SLC17A4: variants seen among roughly 807,000 people sequenced by gnomAD.
SLC17A4 encodes the protein solute carrier family 17 member 4, also known as probable small intestine urate exporter.
A neutral mutation model predicts 52.5 loss-of-function variants in SLC17A4; 33 were observed. The ratio of observed to expected loss-of-function variants is 0.63; its 90% confidence interval spans 0.48 to 0.84. SLC17A4 has a LOEUF of 0.84. SLC17A4 is among the 40% of genes least tolerant of loss of function. The probability of loss-of-function intolerance (pLI) is 0.00; values close to 1 mark genes in which losing one functional copy is unlikely to be tolerated. For synonymous variants in SLC17A4, 225 were observed against 216.2 expected, an observed-to-expected ratio of 1.04 and a Z score of -0.36; for missense variants, 585 against 597.1, an observed-to-expected ratio of 0.98 and a Z score of 0.21.
intron 1 of SLC17A4, among the ~76,000 whole-genome samples, chr6:25,755,847 A>G (rs1055501924): frequency 1.3e-5 from 2 of 152,114 alleles, no homozygotes; most frequent in African/African-American, 2.4e-5. Flanking sequence ...CATTTCGCCA[A>G]CTTCTTTGAG....
In SLC17A4 at chr6:25,776,603, C is replaced by T; in HGVS notation, c.996C>T (p.Ile332=). 7 of 1,604,564 alleles carry T rather than the reference C, an allele frequency of 4.4e-6. No individual in the cohort carries two copies. Among genetic ancestry groups the T allele is most frequent in the South Asian group, 1.1e-5 (1 of 88,844 alleles). The change falls in exon 9 of 12, where the codon ATC becomes ATT. Residue 332 remains isoleucine, a synonymous_variant. Transcript: ENST00000377905. ...VLQANLRDSG[I]LSALPFVVGC... ...TAGTCTCTGGTCCTCAGAGTGGGATCCTGTCTGCCTTGCCGTTTGTTGTTG... is the reference window on the plus strand; with the variant it reads ...TAGTCTCTGGTCCTCAGAGTGGGATTCTGTCTGCCTTGCCGTTTGTTGTTG...
intron 1 of SLC17A4, among the ~76,000 whole-genome samples, chr6:25,757,563 G>A (rs1236609136): frequency 8.6e-5 from 13 of 151,914 alleles, no homozygotes; most frequent in Admixed American, 3.9e-4. Flanking sequence ...CCCCCAACCC[G>A]CTGCTCCAGT....
chr6:25,761,536 T>C (rs1761532299), intron 1 of SLC17A4, among the ~76,000 whole-genome samples: 2 of 152,182 alleles, frequency 1.3e-5, no homozygotes, highest in African/African-American at 4.8e-5. Context: ...TATGTATAGG[T>C]GTTTATAATA....
At position 25,777,987 on chromosome 6, in the gene SLC17A4, C is replaced by T; in HGVS notation, c.1330C>T (p.Pro444Ser). The T allele has an allele frequency of 2.5e-6, 4 of 1,612,772 alleles. No individual in the cohort carries two copies. The highest frequency in any genetic ancestry group is 3.4e-6 in the Non-Finnish European group (4 of 1,179,628). ...TGCACACATAGCTGGAGCCATCTCTCCTACTGCTGCTGGATTTTTCATCAG... is the reference window on the plus strand; with the variant it reads ...TGCACACATAGCTGGAGCCATCTCTTCTACTGCTGCTGGATTTTTCATCAG... ...VFAHIAGAISPTAAGFFISQD... is the reference protein window; with the variant it reads ...VFAHIAGAISSTAAGFFISQD... Residue 444 changes from proline to serine, a missense_variant, in exon 11 of 12, where the codon CCT (proline) becomes TCT (serine). By Grantham distance (74) the Pro-to-Ser change is moderately conservative (BLOSUM62 -1). Transcript: ENST00000377905.
In SLC17A4 at chr6:25,762,003, T is replaced by C; in HGVS notation, c.41T>C (p.Ile14Thr). ...GATGTCAAGGCTACAGTGGGGGACA[T>C]TTCCAGTGATGGCAATTTAAACGTG... Reference protein sequence around the residue: ...GPDVKATVGDISSDGNLNVAQ... With the variant: ...GPDVKATVGDTSSDGNLNVAQ... Residue 14 changes from isoleucine (I) to threonine (T), a missense_variant, in exon 2 of 12, where the codon ATT becomes ACT. By Grantham distance (89) the Ile-to-Thr change is moderately conservative. Coordinates refer to ENST00000377905, the MANE Select transcript of SLC17A4 (RefSeq NM_005495.3). 1 of 1,613,242 alleles carries C rather than the reference T, an allele frequency of 6.2e-7. No homozygotes were observed. Among genetic ancestry groups the C allele is most frequent in the Non-Finnish European group, 8.5e-7 (1 of 1,179,780 alleles).
chr6:25,768,232 A>T, intron 2 of SLC17A4: 1 of 263,898 alleles, frequency 3.8e-6, no homozygotes, highest in Non-Finnish European at 5.9e-6. Flanking sequence ...ACACAAAATG[A>T]AACCATGCTG....
At chr6:25,777,882 G>T in intron 10 of SLC17A4, 44 bp from the exon 11 acceptor site, 4 of 1,512,958 alleles carry the variant, frequency 2.6e-6, no homozygotes, top group Non-Finnish European at 3.7e-6. Flanking sequence ...ACTTTCAAAC[G>T]TAGGTATACT....
In SLC17A4 at chr6:25,769,137, T is replaced by G; in HGVS notation, c.244T>G (p.Ser82Ala). 1 of 1,614,026 alleles carries G rather than the reference T, an allele frequency of 6.2e-7. No individual in the cohort carries two copies. Among genetic ancestry groups the G allele is most frequent in the Non-Finnish European group, 8.5e-7 (1 of 1,179,976 alleles). ...SQPNASTERP[S>A]TDSQGYWNET... is the part of the protein sequence containing the mutation. ...GCCCAATGCTTCCACAGAACGGCCC[T>G]CCACTGACTCCCAGGGCTACTGGAA... The change falls in exon 3 of 12, where the codon TCC becomes GCC. Residue 82 changes from serine (S) to alanine (A), a missense_variant. Transcript: ENST00000377905.
chr6:25,765,264 G>A (rs1761912176), intron 2 of SLC17A4, among the ~76,000 whole-genome samples: 1 of 152,242 alleles, frequency 6.6e-6, no homozygotes, highest in African/African-American at 2.4e-5. Context: ...CACATAATGA[G>A]TGCATGCCCT....
At chr6:25,774,503 T>C (rs1361599090) in intron 8 of SLC17A4, among the ~76,000 whole-genome samples, 1 of 152,186 alleles carries the variant, frequency 6.6e-6, no homozygotes, top group Non-Finnish European at 1.5e-5. Context: ...GCAAGCAGGC[T>C]GCAGGCACTG....
intron 10 of SLC17A4, 28 bp downstream of exon 10, chr6:25,776,987 C>T: frequency 6.3e-7 from 1 of 1,581,708 alleles, no homozygotes; most frequent in Non-Finnish European, 8.6e-7. Context: ...CTCATCCTTT[C>T]AGACACTCAA....
At chr6:25,778,184 T>C (rs1260528772) in intron 11 of SLC17A4, among the ~76,000 whole-genome samples, 168 bp downstream of exon 11, 1 of 152,070 alleles carries the variant, frequency 6.6e-6, no homozygotes, top group African/African-American at 2.4e-5. Context: ...TTAAGTTTCC[T>C]AAGAATCTTA....
At position 25,771,119 on chromosome 6, in the gene SLC17A4, G is replaced by A. The variant is rs1762445978; in HGVS notation, c.706+107G>A. The A allele has an allele frequency of 4.3e-6, 4 of 934,546 alleles. No individual in the cohort carries two copies. In the South Asian group the frequency reaches 5.7e-5, roughly 13 times the overall value. The allele number at this position is 934,546 out of a possible 1,614,324, so 57.9% of individuals were successfully genotyped here. A position where few individuals can be genotyped will look rare whatever the true frequency, so the allele number is the denominator to read the frequency against. On this transcript the variant is annotated intron_variant, in intron 6 of 11. Transcript: ENST00000377905. ...AGATATGGATATTTACATAGCTAAA[G>A]CTGGTAGTGTTCAGAGCCAACTACA...
Position 25,769,058 on chromosome 6 carries a change from G to T in SLC17A4, c.165G>T (p.Met55Ile). Residue 55 changes from methionine (M) to isoleucine (I), a missense_variant, in exon 3 of 12, where the codon ATG (methionine) becomes ATT (isoleucine). Coordinates refer to ENST00000377905, the MANE Select transcript of SLC17A4 (RefSeq NM_005495.3). ...LCNFSIYTQQ[M>I]NLSIAIPAMV... ...ATTTTTCAATTTACACCCAACAAAT[G>T]AACTTGAGCATTGCCATCCCAGCTA... The T allele has an allele frequency of 6.2e-7, 1 of 1,613,988 alleles. No individual in the cohort carries two copies. The highest frequency in any genetic ancestry group is 8.5e-7 in the Non-Finnish European group (1 of 1,179,990).
At chr6:25,765,715 A>G (rs6937800) in intron 2 of SLC17A4, among the ~76,000 whole-genome samples, 45,359 of 152,050 alleles carry the variant, frequency 0.3, 7,747 homozygotes, top group East Asian at 0.74. Flanking sequence ...ATTTGAGAAA[A>G]GGAAGAAAAC....
intron 1 of SLC17A4, among the ~76,000 whole-genome samples, chr6:25,758,823 C>A (rs544524514): frequency 2.0e-4 from 30 of 152,048 alleles, no homozygotes; most frequent in African/African-American, 7.2e-4. Context: ...TTGGTTATTT[C>A]TTTTCTTCTG....
intron 2 of SLC17A4, among the ~76,000 whole-genome samples, 196 bp downstream of exon 2, chr6:25,762,249 T>C (rs972181665): frequency 1.3e-5 from 2 of 152,180 alleles, no homozygotes; most frequent in African/African-American, 4.8e-5. Flanking sequence ...TAAGAAACTT[T>C]GAAGGTATAT....
rs1763234238 is a variant in SLC17A4, at chr6:25,780,301, G to A, written c.*1113G>A. On this transcript the variant is annotated 3_prime_UTR_variant, in exon 12 of 12. Coordinates refer to ENST00000377905, the MANE Select transcript of SLC17A4 (RefSeq NM_005495.3). ...GGGAGGGCAGATAACTTTAATCAAA[G>A]TATCACACAAGTGAATATGTAATAA... is the stretch of plus-strand genomic sequence containing the variant. The A allele has an allele frequency of 6.6e-6, 1 of 152,192 alleles. No homozygotes were observed. The highest frequency in any genetic ancestry group is 2.4e-5 in the African/African-American group (1 of 41,442). The allele number at this position is 152,192 out of a possible 1,614,324, so 9.4% of individuals were successfully genotyped here.
In SLC17A4 at chr6:25,774,775, G is replaced by A. The variant is rs1762761703; in HGVS notation, c.987+1101G>A. Among the ~76,000 whole-genome samples the A allele has an allele frequency of 2.6e-5, 4 of 152,224 alleles. No individual in the cohort carries two copies. In the South Asian group the frequency reaches 8.3e-4, roughly 32 times the overall value. ...AAAGACAAGTAGTGACCAGAAAGCAGAGCTTTCCAGGCTAAAAAGTCAAGA... is the reference window on the plus strand; with the variant it reads ...AAAGACAAGTAGTGACCAGAAAGCAAAGCTTTCCAGGCTAAAAAGTCAAGA... On this transcript the variant is annotated intron_variant, in intron 8 of 11. Coordinates refer to ENST00000377905, the MANE Select transcript of SLC17A4 (RefSeq NM_005495.3).
Sources: gnomAD v4.1 joint callset for allele counts (sites outside exome capture counted in the v4.1 genomes callset) on GRCh38, gnomAD v4.1.1 for gene constraint, MANE v1.5 for transcripts, NCBI Gene and HGNC (gene_info 2026-07-23, HGNC 2026-07-21) for gene names.